The following CDYL2 variants were observed in gnomAD, a reference collection of about 807,000 sequenced individuals.
CDYL2 encodes chromodomain Y like 2, also known as chromodomain Y-like protein 2.
A neutral mutation model predicts 49.4 loss-of-function variants in CDYL2; 23 were observed. The ratio of observed to expected loss-of-function variants is 0.47; its 90% confidence interval spans 0.34 to 0.66. CDYL2 has a LOEUF of 0.66. Among genes scored for constraint, CDYL2 ranks in the 30% least tolerant of loss-of-function variants. The pLI, the probability that CDYL2 is intolerant of heterozygous loss-of-function variation, is 0.01. For missense variants in CDYL2, 678 were observed against 656.4 expected, an observed-to-expected ratio of 1.03 and a Z score of -0.36; for synonymous variants, 360 against 268.8, an observed-to-expected ratio of 1.34 and a Z score of -3.32.
In CDYL2 at chr16:80,612,795, A is replaced by G; in HGVS notation, c.1049T>C (p.Val350Ala). The G allele has an allele frequency of 6.2e-7, 1 of 1,613,890 alleles. No homozygotes were observed. The highest frequency in any genetic ancestry group is 8.5e-7 in the Non-Finnish European group (1 of 1,179,970). Residue 350 changes from valine (V) to alanine (A), a missense_variant, in exon 5 of 7, where the codon GTG (valine) becomes GCG (alanine). This residue lies in a region of CDYL2 where 47 missense variants were observed against 78.8 expected (regional missense o/e 0.60). Coordinates refer to ENST00000570137, the MANE Select transcript of CDYL2 (RefSeq NM_152342.4). This position sits in a 1 kb window ranked among gnomAD's most constrained non-coding sequence, Gnocchi z 5.0. ...CAGGGCCGGCCCATTGATGGCCACC[A>G]CGATAGGCTTCTTAAACTGGATAAA... ...KAFIQFKKPI[V>A]VAINGPALGL...
intron 1 of CDYL2, among the ~76,000 whole-genome samples, chr16:80,760,214 T>C (rs1330485653): frequency 1.3e-5 from 2 of 152,150 alleles, no homozygotes; most frequent in South Asian, 4.1e-4. Context: ...CTAGGCAGTT[T>C]AACTGCACCA....
intron 2 of CDYL2, among the ~76,000 whole-genome samples, chr16:80,677,845 AC>A (rs1909817710): frequency 6.6e-6 from 1 of 152,010 alleles, no homozygotes; most frequent in Non-Finnish European, 1.5e-5. Context: ...GCATCACGCT[AC>A]CTGACTTCAA....
chr16:80,762,209 A>C (rs1906555673), intron 1 of CDYL2, among the ~76,000 whole-genome samples: 1 of 152,098 alleles, frequency 6.6e-6, no homozygotes, highest in Non-Finnish European at 1.5e-5. Context: ...AAAACAAAAA[A>C]ACAAAGGCTA....
At chr16:80,668,615 A>G (rs1207180214) in intron 2 of CDYL2, among the ~76,000 whole-genome samples, 1 of 152,106 alleles carries the variant, frequency 6.6e-6, no homozygotes, top group African/African-American at 2.4e-5. Flanking sequence ...GAGAATATGG[A>G]GACTTTAATT....
chr16:80,780,924 T>C (rs1907243432), intron 1 of CDYL2, among the ~76,000 whole-genome samples: 1 of 152,176 alleles, frequency 6.6e-6, no homozygotes, highest in African/African-American at 2.4e-5. Context: ...AAGAGGTATT[T>C]GTTCAAAAAA....
chr16:80,788,557 G>A (rs1907508686), intron 1 of CDYL2, among the ~76,000 whole-genome samples: 1 of 152,188 alleles, frequency 6.6e-6, no homozygotes, highest in Non-Finnish European at 1.5e-5. Flanking sequence ...GAAAGCACAG[G>A]TGCAAGACAG....
chr16:80,771,221 A>G (rs940954337), intron 1 of CDYL2, among the ~76,000 whole-genome samples: 1 of 152,214 alleles, frequency 6.6e-6, no homozygotes, highest in Non-Finnish European at 1.5e-5. Flanking sequence ...TTCTACAAAT[A>G]TTTCTTCCAA....
Position 80,804,251 on chromosome 16 carries a change from G to A in CDYL2, c.-78C>T. 1 of 1,249,630 alleles carries A rather than the reference G, an allele frequency of 8.0e-7. No homozygotes were observed. The highest frequency in any genetic ancestry group is 1.5e-5 in the South Asian group (1 of 66,556). 77.4% of individuals were successfully genotyped at this position (1,249,630 alleles called of 1,614,324 possible). ...TCCGTGCGTGTGCGCGCGGGGTCCG[G>A]TGTGCGCGTGTGTGTGCGCGCGTGT... On this transcript the variant is annotated 5_prime_UTR_variant, in exon 1 of 7. Transcript: ENST00000570137.
chr16:80,606,371 T>C (rs1906334575), intron 6 of CDYL2, among the ~76,000 whole-genome samples: 1 of 152,144 alleles, frequency 6.6e-6, no homozygotes, highest in Non-Finnish European at 1.5e-5. Flanking sequence ...TACCCTCAGG[T>C]GTCCTTCAAC....
chr16:80,655,963 G>C (rs1205614736), intron 2 of CDYL2, among the ~76,000 whole-genome samples: 3 of 152,172 alleles, frequency 2.0e-5, no homozygotes, highest in Non-Finnish European at 4.4e-5. Context: ...GGAAGCTTAG[G>C]GCTCTGCAGT....
intron 1 of CDYL2, among the ~76,000 whole-genome samples, chr16:80,751,268 C>T (rs551263844): frequency 9.8e-4 from 149 of 152,312 alleles, no homozygotes; most frequent in Non-Finnish European, 1.7e-3. Context: ...TAAGTTACTT[C>T]ATCTGTTCTA....
At chr16:80,787,244 A>T (rs747734364) in intron 1 of CDYL2, among the ~76,000 whole-genome samples, 3 of 152,178 alleles carry the variant, frequency 2.0e-5, no homozygotes, top group Non-Finnish European at 2.9e-5. Context: ...AGCAGGGGAA[A>T]TGAAGCCAGC....
At chr16:80,699,487 G>T (rs1213907837) in intron 1 of CDYL2, among the ~76,000 whole-genome samples, 4 of 151,760 alleles carry the variant, frequency 2.6e-5, no homozygotes, top group African/African-American at 9.7e-5. Context: ...GTAGAGAGTA[G>T]AACAGTAGTT....
At chr16:80,763,858 C>G (rs551151371) in intron 1 of CDYL2, among the ~76,000 whole-genome samples, 2 of 152,228 alleles carry the variant, frequency 1.3e-5, no homozygotes, top group Admixed American at 6.5e-5. Context: ...AGAGAACTTA[C>G]TTTCTGCTGG....
At chr16:80,662,479 C>G (rs1414783834) in intron 2 of CDYL2, among the ~76,000 whole-genome samples, 1 of 152,108 alleles carries the variant, frequency 6.6e-6, no homozygotes, top group Non-Finnish European at 1.5e-5. Flanking sequence ...TGTTTGTACA[C>G]CCTTCTTTTA....
chr16:80,639,333 G>T (rs1445534899), intron 2 of CDYL2, among the ~76,000 whole-genome samples: 1 of 152,110 alleles, frequency 6.6e-6, no homozygotes, highest in Non-Finnish European at 1.5e-5. Context: ...ACATCAACCA[G>T]CAACCACCAT....
At chr16:80,707,439 C>T (rs573064622) in intron 1 of CDYL2, among the ~76,000 whole-genome samples, 179 of 152,106 alleles carry the variant, frequency 1.2e-3, no homozygotes, top group African/African-American at 4.0e-3. Context: ...CCAGCCTAGG[C>T]GACAGAGAGA....
At chr16:80,648,732 G>C (rs1411566618) in intron 2 of CDYL2, among the ~76,000 whole-genome samples, 1 of 149,604 alleles carries the variant, frequency 6.7e-6, no homozygotes, top group Non-Finnish European at 1.5e-5. Context: ...TCTCTCACGA[G>C]CACTGATGCA....
At chr16:80,767,318 T>C (rs1318053629) in intron 1 of CDYL2, among the ~76,000 whole-genome samples, 13 of 152,202 alleles carry the variant, frequency 8.5e-5, no homozygotes, top group Non-Finnish European at 5.9e-5. Flanking sequence ...AAAGAAAAGT[T>C]CTCTGAGCCT....
Sources: allele counts gnomAD v4.1 joint callset (sites outside exome capture counted in the v4.1 genomes callset), GRCh38; gene constraint gnomAD v4.1.1; regional missense constraint gnomAD v4.1.1; non-coding constraint Gnocchi (gnomAD v3.1); transcripts MANE v1.5; gene names NCBI Gene and HGNC (gene_info 2026-07-23, HGNC 2026-07-21).